The following GALNT18 variants were observed in gnomAD, a reference collection of about 807,000 sequenced individuals.
GALNT18 encodes the protein GalNAc-transferase 18.
GALNT18 carries 44 observed loss-of-function variants against 69.5 expected under a neutral mutation model. The observed-to-expected ratio is 0.63, with a 90% CI of 0.50 to 0.81. The LOEUF is 0.81. GALNT18 is among the 40% of genes least tolerant of loss of function. The pLI is 0.00. For synonymous variants in GALNT18, 364 were observed against 318.2 expected (o/e 1.14, Z -1.53); for missense variants, 715 against 810.0 (o/e 0.88, Z 1.42).
At chr11:11,303,344 G>A (rs936955428) in intron 9 of GALNT18, among the ~76,000 whole-genome samples, 1 of 152,210 alleles carries the variant, frequency 6.6e-6, no homozygotes, top group Admixed American at 6.5e-5. Flanking sequence ...GCTAACCTGT[G>A]CATTCACATG....
intron 1 of GALNT18, among the ~76,000 whole-genome samples, chr11:11,513,452 C>T (rs527810741): frequency 2.6e-4 from 40 of 152,338 alleles, no homozygotes; most frequent in Non-Finnish European, 4.1e-4. Flanking sequence ...CAGGGTCTAT[C>T]TCTTTCAAAG....
chr11:11,436,074 C>A lies in GALNT18; in HGVS notation c.429-3287G>T, dbSNP rs1252566913. ...CCACACCTGACCTAATGTGGCCCTG[C>A]GTGAGCAGAGAGGCGAGGGGTGGGC... is the stretch of plus-strand genomic sequence containing the variant. On this transcript the variant is annotated intron_variant, in intron 2 of 10. Transcript: ENST00000227756. This position sits in a 1 kb window ranked among gnomAD's most constrained non-coding sequence, Gnocchi z 4.5. Among the ~76,000 whole-genome samples the A allele has an allele frequency of 6.6e-6, 1 of 152,218 alleles. No homozygotes were observed. The highest frequency in any genetic ancestry group is 1.5e-5 in the Non-Finnish European group (1 of 68,044).
intron 3 of GALNT18, among the ~76,000 whole-genome samples, chr11:11,414,816 G>T (rs149115371): frequency 6.6e-6 from 1 of 152,144 alleles, no homozygotes; most frequent in African/African-American, 2.4e-5. Flanking sequence ...AAACTGAGCA[G>T]CTTGAAACAA....
At chr11:11,362,249 C>T (rs1033130625) in intron 6 of GALNT18, among the ~76,000 whole-genome samples, 1 of 151,998 alleles carries the variant, frequency 6.6e-6, no homozygotes, top group African/African-American at 2.4e-5. Context: ...AAGTGAATTT[C>T]TTTATAACCT....
Position 11,555,281 on chromosome 11 carries a change from T to G in GALNT18, c.235+66078A>C, listed in dbSNP as rs1307105368. 6.6e-6 allele frequency among the ~76,000 whole-genome samples: 1 copy of G among 152,178 alleles called. No homozygotes were observed. Among genetic ancestry groups the G allele is most frequent in the Non-Finnish European group, 1.5e-5 (1 of 68,028 alleles). ...TCTGACAGCCAACAGGCTGCAGGGTTCTCTGTTTTCAGGAGATCTAGCTAG... is the reference window on the plus strand; with the variant it reads ...TCTGACAGCCAACAGGCTGCAGGGTGCTCTGTTTTCAGGAGATCTAGCTAG... On this transcript the variant is annotated intron_variant, in intron 1 of 10. Transcript: ENST00000227756. This position sits in a 1 kb window ranked among gnomAD's most constrained non-coding sequence, Gnocchi z 4.7.
chr11:11,317,120 A>AATGGTT, intron 9 of GALNT18, among the ~76,000 whole-genome samples: 2 of 121,682 alleles, frequency 1.6e-5, no homozygotes, highest in East Asian at 4.5e-4. Flanking sequence ...ATTTAAACAA[A>AATGGTT]ATGGTTATGT....
intron 4 of GALNT18, 144 bp downstream of exon 4, chr11:11,378,937 C>T: frequency 1.3e-6 from 1 of 780,732 alleles, no homozygotes; most frequent in Non-Finnish European, 1.9e-6. Flanking sequence ...TTGCCTGGCT[C>T]ACTCACACAC....
chr11:11,570,377 C>T (rs1176786422), intron 1 of GALNT18, among the ~76,000 whole-genome samples: 1 of 152,256 alleles, frequency 6.6e-6, no homozygotes, highest in African/African-American at 2.4e-5. Context: ...GCTTCCCTCT[C>T]CTTACAGCTA....
intron 9 of GALNT18, among the ~76,000 whole-genome samples, chr11:11,308,972 G>T (rs1319108339): frequency 3.9e-5 from 6 of 152,018 alleles, no homozygotes; most frequent in African/African-American, 1.5e-4. Flanking sequence ...CCCTACTTTT[G>T]CCCAATCACC....
intron 1 of GALNT18, among the ~76,000 whole-genome samples, chr11:11,615,421 G>C (rs1860020527): frequency 6.6e-6 from 1 of 152,096 alleles, no homozygotes; most frequent in African/African-American, 2.4e-5. Flanking sequence ...CTCCATTGTT[G>C]GGATGATCTT....
rs146537593 is a variant in GALNT18, at chr11:11,529,602, G to A, written c.236-80666C>T. Reference sequence around the variant, plus strand: ...CTTCTCCGCCTCAATAATAGTGTAAGCCAATTCTTTATAATAATCTCCTTA... The same window carrying A: ...CTTCTCCGCCTCAATAATAGTGTAAACCAATTCTTTATAATAATCTCCTTA... On this transcript the variant is annotated intron_variant, in intron 1 of 10. Transcript: ENST00000227756. 8.0e-5 allele frequency among the ~76,000 whole-genome samples: 12 copies of A among 149,864 alleles called. No individual in the cohort carries two copies. In the East Asian group the frequency reaches 2.4e-3, roughly 30 times the overall value.
chr11:11,322,986 A>G (rs1047332010), intron 9 of GALNT18, among the ~76,000 whole-genome samples: 1 of 152,176 alleles, frequency 6.6e-6, no homozygotes, highest in Non-Finnish European at 1.5e-5. Context: ...TAATCCTATC[A>G]GATTAGGGCA....
intron 9 of GALNT18, among the ~76,000 whole-genome samples, chr11:11,308,024 TG>T (rs1849607984): frequency 6.6e-6 from 1 of 152,234 alleles, no homozygotes; most frequent in African/African-American, 2.4e-5. Flanking sequence ...AGTCTGATTC[TG>T]ATACCCACTT....
chr11:11,317,814 G>A (rs186647216), intron 9 of GALNT18, among the ~76,000 whole-genome samples: 63 of 152,234 alleles, frequency 4.1e-4, no homozygotes, highest in African/African-American at 1.4e-3. Context: ...AAAATATGAG[G>A]ACTTCATAAA....
chr11:11,271,835 G>A (rs1244379441), intron 10 of GALNT18, among the ~76,000 whole-genome samples: 2 of 152,194 alleles, frequency 1.3e-5, no homozygotes, highest in African/African-American at 4.8e-5. Flanking sequence ...ATGCTACTGA[G>A]GTTCCAGAAT....
chr11:11,444,159 G>A lies in GALNT18; in HGVS notation c.428+4585C>T, dbSNP rs904193288. On this transcript the variant is annotated intron_variant, in intron 2 of 10. Transcript: ENST00000227756. This position sits in a 1 kb window ranked among gnomAD's most constrained non-coding sequence, Gnocchi z 4.4. ...GGTGCCTTGCAGATGCCACCCTCCA[G>A]GCCCCGCCTCCCTGCCACAGAGAGG... Among the ~76,000 whole-genome samples the A allele has an allele frequency of 2.0e-4, 31 of 151,918 alleles. No individual in the cohort carries two copies. The highest frequency in any genetic ancestry group is 6.2e-4 in the South Asian group (3 of 4,808).
At chr11:11,308,700 C>T (rs188768829) in intron 9 of GALNT18, among the ~76,000 whole-genome samples, 54 of 152,306 alleles carry the variant, frequency 3.5e-4, no homozygotes, top group Admixed American at 3.1e-3. Context: ...AAAACATCTC[C>T]TCTGTAAGAA....
At chr11:11,427,202 A>G (rs1855152703) in intron 3 of GALNT18, among the ~76,000 whole-genome samples, 3 of 152,224 alleles carry the variant, frequency 2.0e-5, no homozygotes. Context: ...GTTGCTAAGG[A>G]GACAGAGAAC....
intron 1 of GALNT18, among the ~76,000 whole-genome samples, chr11:11,515,349 C>A (rs11021883): frequency 1.3e-5 from 1 of 77,618 alleles, no homozygotes; most frequent in Non-Finnish European, 2.5e-5. Flanking sequence ...CAAAAAAGGG[C>A]GGGGGGGATG....
Sources: gnomAD v4.1 joint callset for allele counts (sites outside exome capture counted in the v4.1 genomes callset) on GRCh38, gnomAD v4.1.1 for gene constraint, Gnocchi (gnomAD v3.1) non-coding constraint, MANE v1.5 for transcripts, NCBI Gene and HGNC (gene_info 2026-07-23, HGNC 2026-07-21) for gene names.